Variants in PTPRZ1 observed in about 807,000 individuals in gnomAD.
PTPRZ1 encodes receptor-type tyrosine-protein phosphatase zeta.
Under a neutral mutation model 214.1 loss-of-function variants are expected in PTPRZ1, and 82 were observed. The ratio of observed to expected loss-of-function variants is 0.38; its 90% CI spans 0.32 to 0.46. The LOEUF (loss-of-function observed/expected upper bound fraction) is 0.46. Ranked by LOEUF, PTPRZ1 falls within the 20% of genes least tolerant of loss-of-function variation. PTPRZ1 has a pLI of 1.00. For synonymous variants in PTPRZ1, 945 were observed against 987.9 expected, an observed-to-expected ratio of 0.96 and a Z score of 0.81; for missense variants, 2,603 against 2,748.7, an observed-to-expected ratio of 0.95 and a Z score of 1.19.
chr7:121,988,925 A>G (rs1350278256), intron 8 of PTPRZ1, among the ~76,000 whole-genome samples: 1 of 152,238 alleles, frequency 6.6e-6, no homozygotes. Flanking sequence ...GTTCATGTTC[A>G]AAATTAAAGA....
chr7:121,988,745 G>A lies in PTPRZ1; in HGVS notation c.928+4628G>A, dbSNP rs537914287. Among the ~76,000 whole-genome samples the A allele has an allele frequency of 2.0e-5, 3 of 152,270 alleles. No individual in the cohort carries two copies. In the East Asian group the frequency reaches 5.8e-4, roughly 29 times the overall value. Reference sequence around the variant, plus strand: ...AAGCTTACTCATGTCTAAGCCTCTGGGGTTAAAAAGAGCATATGTGTTATT... The same window carrying A: ...AAGCTTACTCATGTCTAAGCCTCTGAGGTTAAAAAGAGCATATGTGTTATT... On this transcript the variant is annotated intron_variant, in intron 8 of 29. Coordinates refer to ENST00000393386, the MANE Select transcript of PTPRZ1 (RefSeq NM_002851.3).
intron 1 of PTPRZ1, among the ~76,000 whole-genome samples, chr7:121,903,712 G>A (rs1795035270): frequency 6.6e-6 from 1 of 152,070 alleles, no homozygotes; most frequent in Non-Finnish European, 1.5e-5. Context: ...TAATCTCCAG[G>A]TCAATTCAAA....
intron 2 of PTPRZ1, among the ~76,000 whole-genome samples, chr7:121,937,435 T>C (rs928556555): frequency 3.2e-4 from 48 of 152,068 alleles, no homozygotes; most frequent in African/African-American, 1.1e-3. Context: ...ACCTGGCGGC[T>C]CCCCTGGGGC....
At chr7:121,933,982 T>C (rs559565547) in intron 2 of PTPRZ1, among the ~76,000 whole-genome samples, 1 of 152,274 alleles carries the variant, frequency 6.6e-6, no homozygotes, top group Non-Finnish European at 1.5e-5. Context: ...ACTCTAACTA[T>C]AGAATTATCT....
chr7:121,996,669 G>A, intron 9 of PTPRZ1, 103 bp downstream of exon 9: 1 of 953,534 alleles, frequency 1.0e-6, no homozygotes, highest in Non-Finnish European at 1.5e-6. Flanking sequence ...ATTACTTTTA[G>A]ACTTTATGTG....
intron 13 of PTPRZ1, among the ~76,000 whole-genome samples, chr7:122,023,229 G>A (rs552802191): frequency 6.6e-6 from 1 of 151,446 alleles, no homozygotes; most frequent in African/African-American, 2.4e-5. Flanking sequence ...CTTATTTTTT[G>A]TATAAACTTT....
At chr7:121,924,784 T>C (rs1228424851) in intron 1 of PTPRZ1, among the ~76,000 whole-genome samples, 1 of 152,210 alleles carries the variant, frequency 6.6e-6, no homozygotes. Flanking sequence ...TTCTAAAATA[T>C]TCATATTTAA....
chr7:122,018,249 C>A (rs940772375), intron 12 of PTPRZ1, among the ~76,000 whole-genome samples: 1 of 152,256 alleles, frequency 6.6e-6, no homozygotes, highest in Non-Finnish European at 1.5e-5. Context: ...CTGAACACAC[C>A]TCAAAGCAAA....
intron 18 of PTPRZ1, among the ~76,000 whole-genome samples, chr7:122,038,103 T>C (rs969759475): frequency 4.6e-5 from 7 of 152,076 alleles, no homozygotes; most frequent in African/African-American, 1.7e-4. Flanking sequence ...TCACTCACTC[T>C]CACGAGAACA....
intron 2 of PTPRZ1, among the ~76,000 whole-genome samples, chr7:121,956,986 C>T (rs1796725919): frequency 6.6e-6 from 1 of 152,208 alleles, no homozygotes. Context: ...CAAAATTCTG[C>T]ATTTTTATAA....
rs754090342 is a variant in PTPRZ1 at position 121,972,523 on chromosome 7, T to C, written c.305-18T>C. 13 of 1,587,690 alleles carry C rather than the reference T, an allele frequency of 8.2e-6. No homozygotes were observed. Among genetic ancestry groups the C allele is most frequent in the African/African-American group, 1.4e-5 (1 of 73,728 alleles). ...TTGATTTTCAGAAGCTTAGGTGCAA[T>C]TGTATTTCTTTTTTTAGTGGAAATT... On this transcript the variant is annotated intron_variant, in intron 3 of 29. Transcript: ENST00000393386.
chr7:121,903,966 T>TCACACACAGA (rs755394033), intron 1 of PTPRZ1, among the ~76,000 whole-genome samples: 1,648 of 123,906 alleles, frequency 0.013, 18 homozygotes, highest in East Asian at 0.052. Flanking sequence ...TCTTTAAATC[T>TCACACACAGA]CACACACACA....
intron 2 of PTPRZ1, among the ~76,000 whole-genome samples, chr7:121,941,810 A>T (rs963809871): frequency 2.0e-5 from 3 of 152,226 alleles, no homozygotes; most frequent in African/African-American, 7.2e-5. Flanking sequence ...ATAAAGTCAG[A>T]AATGGTATAT....
intron 1 of PTPRZ1, among the ~76,000 whole-genome samples, chr7:121,921,535 T>A (rs1795596410): frequency 6.6e-6 from 1 of 152,200 alleles, no homozygotes; most frequent in Admixed American, 6.5e-5. Context: ...AGGCATCTAC[T>A]TTTTATCTCT....
chr7:122,034,002 A>C (rs1290085139), intron 15 of PTPRZ1, 93 bp from the exon 16 acceptor site: 2 of 1,161,496 alleles, frequency 1.7e-6, no homozygotes, highest in South Asian at 1.4e-5. Flanking sequence ...ATAGTTTTCC[A>C]TTGTAAACCT....
intron 1 of PTPRZ1, among the ~76,000 whole-genome samples, chr7:121,913,676 G>A (rs549436013): frequency 1.3e-5 from 2 of 152,124 alleles, no homozygotes; most frequent in Admixed American, 6.5e-5. Flanking sequence ...TTATCTTGGG[G>A]TTTTTTATGA....
At chr7:121,896,006 A>T (rs936824988) in intron 1 of PTPRZ1, among the ~76,000 whole-genome samples, 5 of 152,260 alleles carry the variant, frequency 3.3e-5, no homozygotes, top group South Asian at 2.1e-4. Flanking sequence ...CCAATCAAAT[A>T]TCCATTTCTA....
intron 11 of PTPRZ1, among the ~76,000 whole-genome samples, chr7:122,006,723 A>G (rs776025333): frequency 1.7e-4 from 25 of 147,968 alleles, no homozygotes; most frequent in Non-Finnish European, 2.7e-4. Context: ...AGATAGGAGG[A>G]AAAAAAAAGC....
At position 122,012,624 on chromosome 7, in the gene PTPRZ1, C is replaced by G. The variant is rs746449579; in HGVS notation, c.3578C>G (p.Thr1193Ser). 3 of 1,613,858 alleles carry G rather than the reference C, an allele frequency of 1.9e-6. No homozygotes were observed. The highest frequency in any genetic ancestry group is 3.3e-5 in the Admixed American group (2 of 60,014). Residue 1193 changes from threonine to serine, a missense_variant, in exon 12 of 30, where the codon ACC becomes AGC. Transcript: ENST00000393386. Reference sequence around the variant, plus strand: ...TCCTTTCAGGCTTCTGATGTTGACACCTTGCTTAAAACTGTTCTTCCAGCT... The same window carrying G: ...TCCTTTCAGGCTTCTGATGTTGACAGCTTGCTTAAAACTGTTCTTCCAGCT... ...QPSFQASDVD[T>S]LLKTVLPAVP...
Sources: gnomAD v4.1 joint callset for allele counts (sites outside exome capture counted in the v4.1 genomes callset) on GRCh38, gnomAD v4.1.1 for gene constraint, MANE v1.5 for transcripts, NCBI Gene and HGNC (gene_info 2026-07-23, HGNC 2026-07-21) for gene names.